Variants in AGPS observed in about 807,000 individuals in gnomAD.
AGPS encodes the protein alkyldihydroxyacetonephosphate synthase, peroxisomal.
A neutral mutation model predicts 90.7 loss-of-function variants in AGPS; 26 were observed. The observed-to-expected ratio is 0.29, with a 90% CI of 0.21 to 0.40. AGPS has a LOEUF of 0.40. AGPS is among the 10% of genes least tolerant of loss of function. AGPS has a pLI of 1.00. For synonymous variants in AGPS, 294 were observed against 285.3 expected (o/e 1.03, Z -0.31); for missense variants, 540 against 816.1 (o/e 0.66, Z 4.12).
Position 177,538,259 on chromosome 2 carries a change from T to A in AGPS, c.*64T>A. On this transcript the variant is annotated 3_prime_UTR_variant, in exon 20 of 20. Transcript: ENST00000264167. ...TTTAAGTTTTCAACTGTGGTTATAC[T>A]AGTAATCAAATATATCATGGACTAT... The A allele has an allele frequency of 6.7e-7, 1 of 1,497,668 alleles. No individual in the cohort carries two copies. The highest frequency in any genetic ancestry group is 9.3e-7 in the Non-Finnish European group (1 of 1,077,226). 92.8% of individuals were successfully genotyped at this position (1,497,668 alleles called of 1,614,324 possible).
At chr2:177,472,196 A>G (rs192015257) in intron 10 of AGPS, among the ~76,000 whole-genome samples, 13 of 145,058 alleles carry the variant, frequency 9.0e-5, no homozygotes, top group African/African-American at 3.3e-4. Context: ...CTAGTTTTCC[A>G]TTTCAGTCAC....
chr2:177,408,787 A>G (rs770573273), intron 1 of AGPS, among the ~76,000 whole-genome samples: 8 of 152,224 alleles, frequency 5.3e-5, no homozygotes, highest in Non-Finnish European at 1.0e-4. Context: ...AACAATTTAC[A>G]TTAAAGCTTT....
chr2:177,531,975 T>A (rs987481677), intron 19 of AGPS, among the ~76,000 whole-genome samples: 4 of 152,054 alleles, frequency 2.6e-5, no homozygotes, highest in Non-Finnish European at 5.9e-5. Context: ...TACAAAAATT[T>A]AACTCAAAAT....
intron 8 of AGPS, among the ~76,000 whole-genome samples, chr2:177,447,659 A>G (rs1413427699): frequency 6.6e-6 from 1 of 152,062 alleles, no homozygotes; most frequent in African/African-American, 2.4e-5. Context: ...CTTGAAATTT[A>G]AATGACATTT....
At chr2:177,434,452 CT>C in intron 3 of AGPS, 35 bp downstream of exon 3, 1 of 1,494,740 alleles carries the variant, frequency 6.7e-7, no homozygotes. Flanking sequence ...ACTCATTTAA[CT>C]GTGTTTTTAA....
At chr2:177,492,060 G>A (rs1237072538) in intron 11 of AGPS, among the ~76,000 whole-genome samples, 1 of 151,896 alleles carries the variant, frequency 6.6e-6, no homozygotes, top group South Asian at 2.1e-4. Flanking sequence ...TGCTAGGATT[G>A]CAAGTGTGAG....
At chr2:177,404,664 A>G (rs531780242) in intron 1 of AGPS, among the ~76,000 whole-genome samples, 1 of 152,150 alleles carries the variant, frequency 6.6e-6, no homozygotes, top group Non-Finnish European at 1.5e-5. Flanking sequence ...TGGTAGTTTC[A>G]TTTTTGAAGT....
chr2:177,474,156 T>C (rs1478074370), intron 10 of AGPS, among the ~76,000 whole-genome samples: 2 of 152,148 alleles, frequency 1.3e-5, no homozygotes, highest in Non-Finnish European at 2.9e-5. Flanking sequence ...ACATGGGAAA[T>C]TCAAAAGTTA....
intron 11 of AGPS, among the ~76,000 whole-genome samples, chr2:177,484,889 T>G (rs1437378005): frequency 2.6e-5 from 4 of 152,156 alleles, no homozygotes; most frequent in Non-Finnish European, 4.4e-5. Context: ...CTCAGCTTCC[T>G]GAATAGCTGG....
intron 10 of AGPS, among the ~76,000 whole-genome samples, chr2:177,476,448 T>A (rs1165602817): frequency 6.6e-6 from 1 of 152,188 alleles, no homozygotes; most frequent in East Asian, 1.9e-4. Context: ...AGTGTATTGT[T>A]TAATTTTCAC....
At chr2:177,408,475 T>G (rs1685524129) in intron 1 of AGPS, among the ~76,000 whole-genome samples, 1 of 152,212 alleles carries the variant, frequency 6.6e-6, no homozygotes. Context: ...TCAGAAAATA[T>G]GATCTCTGTA....
chr2:177,417,929 G>C (rs1559037910), intron 1 of AGPS, among the ~76,000 whole-genome samples: 2 of 152,144 alleles, frequency 1.3e-5, no homozygotes, highest in Non-Finnish European at 2.9e-5. Flanking sequence ...TTTAAAACTA[G>C]AAGCCTGGGA....
At chr2:177,419,934 C>A (rs560189234) in intron 1 of AGPS, among the ~76,000 whole-genome samples, 4 of 151,822 alleles carry the variant, frequency 2.6e-5, no homozygotes, top group Admixed American at 2.6e-4. Flanking sequence ...CTTTTTAGGT[C>A]ATTCTACAGT....
intron 11 of AGPS, 146 bp downstream of exon 11, chr2:177,482,332 T>C (rs983616553): frequency 2.3e-6 from 1 of 437,868 alleles, no homozygotes; most frequent in African/African-American, 2.1e-5. Flanking sequence ...TACCCAGTTC[T>C]ATATGAAAAG....
chr2:177,536,410 T>TA (rs60070814), intron 19 of AGPS, among the ~76,000 whole-genome samples: 18,284 of 146,090 alleles, frequency 0.13, 1,323 homozygotes, highest in East Asian at 0.36. Flanking sequence ...AGTAGTTGTT[T>TA]AAAAAAAAAA....
chr2:177,417,982 A>C (rs1304450780), intron 1 of AGPS, among the ~76,000 whole-genome samples: 2 of 152,178 alleles, frequency 1.3e-5, no homozygotes, highest in Non-Finnish European at 2.9e-5. Context: ...ACTTGAAGAT[A>C]TCAGAAGATT....
At chr2:177,394,983 T>C (rs995563963) in intron 1 of AGPS, among the ~76,000 whole-genome samples, 1 of 152,086 alleles carries the variant, frequency 6.6e-6, no homozygotes, top group Non-Finnish European at 1.5e-5. Context: ...GGAGGTAAAT[T>C]TTCCATAACT....
chr2:177,422,653 G>T (rs2105611860), intron 2 of AGPS, among the ~76,000 whole-genome samples: 1 of 152,188 alleles, frequency 6.6e-6, no homozygotes, highest in East Asian at 1.9e-4. Context: ...TGGGATTTAG[G>T]TGCTCTGAGA....
intron 17 of AGPS, among the ~76,000 whole-genome samples, chr2:177,515,248 C>G (rs971151271): frequency 4.6e-5 from 7 of 151,970 alleles, no homozygotes; most frequent in Admixed American, 2.6e-4. Context: ...ATATTATCAA[C>G]CCAAACTGAT....
Sources: gnomAD v4.1 joint callset for allele counts (sites outside exome capture counted in the v4.1 genomes callset) on GRCh38, gnomAD v4.1.1 for gene constraint, MANE v1.5 for transcripts, NCBI Gene and HGNC (gene_info 2026-07-23, HGNC 2026-07-21) for gene names.